The following UBR1 variants were observed in gnomAD, a reference collection of about 807,000 sequenced individuals.
The protein encoded by UBR1 is ubiquitin protein ligase E3 component n-recognin 1.
In UBR1, 102 loss-of-function variants were observed where a neutral mutation model predicts 242.1. The observed-to-expected ratio is 0.42, with a 90% CI of 0.36 to 0.50. The LOEUF (loss-of-function observed/expected upper bound fraction) is 0.50. Among genes scored for constraint, UBR1 ranks in the 20% least tolerant of loss-of-function variants. The pLI is 0.01. For synonymous variants in UBR1, 675 were observed against 684.8 expected (o/e 0.99, Z 0.22); for missense variants, 1,772 against 2,101.8 (o/e 0.84, Z 3.07).
intron 19 of UBR1, among the ~76,000 whole-genome samples, chr15:43,035,964 G>A (rs1008807788): frequency 2.6e-5 from 4 of 151,460 alleles, no homozygotes; most frequent in African/African-American, 7.3e-5. Context: ...AGCATTGGGA[G>A]ATATACCTAA....
At chr15:43,009,826 C>T (rs1407779025) in intron 29 of UBR1, among the ~76,000 whole-genome samples, 1 of 152,176 alleles carries the variant, frequency 6.6e-6, no homozygotes, top group East Asian at 1.9e-4. Context: ...AAATATTAAT[C>T]ATCATATATA....
chr15:43,043,467 C>T, intron 14 of UBR1, 72 bp from the exon 15 acceptor site: 3 of 1,455,996 alleles, frequency 2.1e-6, no homozygotes, highest in Non-Finnish European at 2.9e-6. Context: ...TGTTTTGAGA[C>T]AGCCTGTCCT....
At chr15:43,067,538 T>C (rs1170575896) in intron 6 of UBR1, among the ~76,000 whole-genome samples, 2 of 152,186 alleles carry the variant, frequency 1.3e-5, no homozygotes, top group Non-Finnish European at 2.9e-5. Context: ...AAAAATAATT[T>C]AAATAAATCA....
At chr15:42,968,206 CT>C (rs1312798014) in intron 40 of UBR1, among the ~76,000 whole-genome samples, 5 of 151,992 alleles carry the variant, frequency 3.3e-5, no homozygotes, top group Non-Finnish European at 5.9e-5. Context: ...TTTGTCTATG[CT>C]TCCAGAACAG....
At chr15:43,089,630 A>AG (rs965697482) in intron 1 of UBR1, among the ~76,000 whole-genome samples, 1 of 152,200 alleles carries the variant, frequency 6.6e-6, no homozygotes, top group African/African-American at 2.4e-5. Flanking sequence ...TTAATAGAGA[A>AG]GGGGTCTCAC....
intron 42 of UBR1, among the ~76,000 whole-genome samples, chr15:42,961,570 G>A (rs2141256055): frequency 6.6e-6 from 1 of 151,776 alleles, no homozygotes; most frequent in South Asian, 2.1e-4. Context: ...TTACAGGCAT[G>A]CGCCACCACG....
At position 43,106,030 on chromosome 15, in the gene UBR1, G is replaced by T; in HGVS notation, c.-8C>A. 1 of 1,608,860 alleles carries T rather than the reference G, an allele frequency of 6.2e-7. No homozygotes were observed. Reference sequence around the variant, plus strand: ...AGCCTCCTCGTCCGCCATCTTGAGGGAAACTGACGCCTGCAGTTGCCGACC... The same window carrying T: ...AGCCTCCTCGTCCGCCATCTTGAGGTAAACTGACGCCTGCAGTTGCCGACC... On this transcript the variant is annotated 5_prime_UTR_variant, in exon 1 of 47. Coordinates refer to ENST00000290650, the MANE Select transcript of UBR1 (RefSeq NM_174916.3).
chr15:43,006,994 C>A (rs1179523754), intron 30 of UBR1, 85 bp downstream of exon 30: 2 of 1,332,098 alleles, frequency 1.5e-6, no homozygotes, highest in Non-Finnish European at 2.1e-6. Flanking sequence ...ACCCTTATTT[C>A]CAAATGTTTT....
intron 1 of UBR1, among the ~76,000 whole-genome samples, chr15:43,086,733 C>T (rs1176026964): frequency 6.6e-6 from 1 of 152,198 alleles, no homozygotes. Flanking sequence ...TTACAGATGG[C>T]TTATTTGCAT....
chr15:43,036,337 T>A, intron 18 of UBR1, 58 bp from the exon 19 acceptor site: 1 of 1,500,808 alleles, frequency 6.7e-7, no homozygotes, highest in African/African-American at 1.4e-5. Context: ...ACATTTTGTC[T>A]CATGTAGGAC....
chr15:43,007,384 G>T, intron 29 of UBR1, 100 bp from the exon 30 acceptor site: 1 of 1,024,778 alleles, frequency 9.8e-7, no homozygotes, highest in Non-Finnish European at 1.5e-6. Context: ...ATATAAGAAA[G>T]ATAATAAAAA....
At chr15:42,956,617 T>C (rs1168548464) in intron 44 of UBR1, among the ~76,000 whole-genome samples, 1 of 152,214 alleles carries the variant, frequency 6.6e-6, no homozygotes, top group African/African-American at 2.4e-5. Context: ...TGAGCCACTG[T>C]GCCCAGCCTG....
chr15:43,061,528 C>A (rs2033685234), intron 6 of UBR1, among the ~76,000 whole-genome samples: 1 of 150,346 alleles, frequency 6.7e-6, no homozygotes, highest in Non-Finnish European at 1.5e-5. Flanking sequence ...GATACACACA[C>A]ACACATATAC....
At chr15:43,091,935 A>G in intron 1 of UBR1, 1 of 393,638 alleles carries the variant, frequency 2.5e-6, no homozygotes, top group Non-Finnish European at 4.8e-6. Context: ...AAAAAAAAAA[A>G]ATTAGCCAGA....
intron 1 of UBR1, among the ~76,000 whole-genome samples, chr15:43,097,185 T>A (rs2034171865): frequency 1.3e-5 from 2 of 152,216 alleles, no homozygotes; most frequent in South Asian, 4.1e-4. Flanking sequence ...TCAGAGCTTT[T>A]GGGTGACCAA....
intron 26 of UBR1, among the ~76,000 whole-genome samples, chr15:43,022,129 A>G (rs560387716): frequency 6.6e-6 from 1 of 152,302 alleles, no homozygotes; most frequent in East Asian, 1.9e-4. Flanking sequence ...GGGATCTAAA[A>G]AATACAGCAT....
chr15:43,010,941 G>C (rs1287216723), intron 29 of UBR1, among the ~76,000 whole-genome samples: 4 of 151,666 alleles, frequency 2.6e-5, no homozygotes, highest in African/African-American at 7.3e-5. Flanking sequence ...AGTGAGCCGA[G>C]ATCACGCCAC....
intron 27 of UBR1, 133 bp from the exon 28 acceptor site, chr15:43,017,314 G>GA (rs530528488): frequency 6.5e-5 from 43 of 663,216 alleles, no homozygotes; most frequent in African/African-American, 6.3e-4. Context: ...AATATATGAA[G>GA]AAAAAAAGTG....
chr15:42,984,831 T>G lies in UBR1; in HGVS notation c.4053+56A>C, dbSNP rs965130936. ...ATTTTTTGTTTTTAATAATAAACTG[T>G]GGGGGGGAAAAAAGGCATGCCATGA... is the stretch of plus-strand genomic sequence containing the variant. On this transcript the variant is annotated intron_variant, in intron 36 of 46. Coordinates refer to ENST00000290650, the MANE Select transcript of UBR1 (RefSeq NM_174916.3). 14 of 1,448,910 alleles carry G rather than the reference T, an allele frequency of 9.7e-6. No homozygotes were observed. The South Asian group carries it at 1.3e-4, about 13-fold the overall frequency. 89.8% of individuals were successfully genotyped at this position (1,448,910 alleles called of 1,614,324 possible).
Sources: allele counts gnomAD v4.1 joint callset (sites outside exome capture counted in the v4.1 genomes callset), GRCh38; gene constraint gnomAD v4.1.1; transcripts MANE v1.5; gene names NCBI Gene and HGNC (gene_info 2026-07-23, HGNC 2026-07-21).